The following ROPN1L variants were observed in gnomAD, a reference collection of about 807,000 sequenced individuals.
ROPN1L encodes the protein ropporin-1-like protein.
Under a neutral mutation model 22.7 loss-of-function variants are expected in ROPN1L, and 23 were observed. The observed-to-expected ratio is 1.01, with a 90% CI of 0.73 to 1.43. The LOEUF (loss-of-function observed/expected upper bound fraction) is 1.43. ROPN1L is among the 40% of genes most tolerant of loss of function. The pLI is 0.00. For synonymous variants in ROPN1L, 116 were observed against 117.8 expected (o/e 0.98, Z 0.10); for missense variants, 271 against 291.5 (o/e 0.93, Z 0.51).
At chr5:10,444,632 G>A (rs1740996196) in intron 1 of ROPN1L, among the ~76,000 whole-genome samples, 1 of 151,032 alleles carries the variant, frequency 6.6e-6, no homozygotes, top group South Asian at 2.1e-4. Flanking sequence ...GGGCATGGTG[G>A]CTCACACCTG....
intron 3 of ROPN1L, among the ~76,000 whole-genome samples, chr5:10,452,043 A>G (rs942231200): frequency 2.6e-5 from 4 of 151,674 alleles, no homozygotes; most frequent in African/African-American, 7.3e-5. Flanking sequence ...TTGGAGTGCA[A>G]TGGTGTGATC....
chr5:10,450,998 A>C (rs577704144), intron 3 of ROPN1L, among the ~76,000 whole-genome samples: 3 of 152,352 alleles, frequency 2.0e-5, no homozygotes, highest in Non-Finnish European at 4.4e-5. Flanking sequence ...CAGTCTTCTC[A>C]GCTAAAGTCT....
chr5:10,482,791 GA>G, the ROPN1L span, among the ~76,000 whole-genome samples: 11 of 152,236 alleles, frequency 7.2e-5, no homozygotes, highest in African/African-American at 2.7e-4. Context: ...GAAGAATCAT[GA>G]GATAAAATAA....
At chr5:10,469,015 C>T (rs1256681455), downstream of ROPN1L, among the ~76,000 whole-genome samples, 1 of 151,914 alleles carries the variant, frequency 6.6e-6, no homozygotes, top group Non-Finnish European at 1.5e-5. Flanking sequence ...ATTAGCCGGG[C>T]GTGGTGGCAG....
intron 3 of ROPN1L, 124 bp from the exon 4 acceptor site, chr5:10,461,060 G>T: frequency 2.5e-6 from 2 of 803,978 alleles, no homozygotes; most frequent in East Asian, 5.4e-5. Context: ...TTCAGATGGA[G>T]CACATACTTT....
intron 4 of ROPN1L, among the ~76,000 whole-genome samples, chr5:10,461,772 T>C (rs143423146): frequency 1.5e-3 from 229 of 152,314 alleles, no homozygotes; most frequent in African/African-American, 5.3e-3. Flanking sequence ...GCTAGAATGG[T>C]TCACAGAACT....
Position 10,464,862 on chromosome 5 carries a change from A to C in ROPN1L, c.608A>C (p.Asn203Thr). 6.3e-7 allele frequency: 1 copy of C among 1,597,790 alleles called. No individual in the cohort carries two copies. Among genetic ancestry groups the C allele is most frequent in the South Asian group, 1.2e-5 (1 of 86,910 alleles). The change falls in exon 5 of 5, where the codon AAC becomes ACC. Residue 203 changes from asparagine (N) to threonine (T), a missense_variant. By Grantham distance (65) the Asn-to-Thr change is moderately conservative. Coordinates refer to ENST00000274134, the MANE Select transcript of ROPN1L (RefSeq NM_031916.5). ...TTCCAATTTAGAGACGCCAGGAAGA[A>C]CGGCATGATAGGTCTTTCAGATTTC... Reference protein sequence around the residue: ...SLKENIDARKNGMIGLSDFFF... With the variant: ...SLKENIDARKTGMIGLSDFFF...
At chr5:10,472,172 T>C (rs2126483650), downstream of ROPN1L, 1 of 152,378 alleles carries the variant, frequency 6.6e-6, no homozygotes, top group Non-Finnish European at 1.5e-5. Context: ...AACTTTTTTC[T>C]ACCATTTGAT....
chr5:10,462,890 AAATAATAACAACAATAATAAT>A (rs1329215280), intron 4 of ROPN1L, among the ~76,000 whole-genome samples: 229 of 72,616 alleles, frequency 3.2e-3, no homozygotes, highest in African/African-American at 0.01. Flanking sequence ...ACTCCGTCTC[AAATAATAACAACAATAATAAT>A]AATAATAATA....
intron 4 of ROPN1L, among the ~76,000 whole-genome samples, chr5:10,462,818 G>C (rs184181872): frequency 1.5e-3 from 231 of 152,254 alleles, no homozygotes; most frequent in African/African-American, 5.3e-3. Context: ...GCCCTGGGGG[G>C]GCAGAGGTTA....
chr5:10,474,928 T>TAA (rs34832128), downstream of ROPN1L, among the ~76,000 whole-genome samples: 6 of 152,102 alleles, frequency 3.9e-5, no homozygotes, highest in Admixed American at 2.6e-4. Flanking sequence ...ATCACACAGT[T>TAA]AAAAAAACAA....
At chr5:10,455,806 C>CTTTTAAAAACCAGTGCTG (rs1561172842) in intron 3 of ROPN1L, among the ~76,000 whole-genome samples, 1 of 32,272 alleles carries the variant, frequency 3.1e-5, no homozygotes, top group South Asian at 7.9e-4. Flanking sequence ...AACCAGTGCT[C>CTTTTAAAAACCAGTGCTG]GGTCAGAGGC....
chr5:10,447,546 CA>C (rs752039729), intron 1 of ROPN1L, among the ~76,000 whole-genome samples: 6 of 152,176 alleles, frequency 3.9e-5, no homozygotes, highest in African/African-American at 7.2e-5. Flanking sequence ...TAAAGTCAAG[CA>C]CCTCAAAAAG....
chr5:10,464,443 T>G (rs1735113002), intron 4 of ROPN1L, among the ~76,000 whole-genome samples: 1 of 152,168 alleles, frequency 6.6e-6, no homozygotes, highest in African/African-American at 2.4e-5. Flanking sequence ...CCTCTTCTCT[T>G]CTTTTGTGCT....
At position 10,450,029 on chromosome 5, in the gene ROPN1L, C is replaced by T. The variant is rs376675013; in HGVS notation, c.333C>T (p.Phe111=). ...ACTTGTGCCTGCCGAAGGAAAAATTCAAAGCGCTCTTACAACTGGATCCTT... is the reference window on the plus strand; with the variant it reads ...ACTTGTGCCTGCCGAAGGAAAAATTTAAAGCGCTCTTACAACTGGATCCTT... The part of the protein sequence containing the change: ...WKNLCLPKEK[F]KALLQLDPCE... Residue 111 remains phenylalanine, a synonymous_variant, in exon 3 of 5, where the codon TTC becomes TTT. Transcript: ENST00000274134. The T allele has an allele frequency of 1.4e-4, 231 of 1,613,788 alleles. No homozygotes were observed. The highest frequency in any genetic ancestry group is 1.8e-4 in the Non-Finnish European group (217 of 1,179,904).
intron 1 of ROPN1L, among the ~76,000 whole-genome samples, chr5:10,447,461 C>T (rs1438929983): frequency 6.6e-6 from 1 of 152,180 alleles, no homozygotes; most frequent in Non-Finnish European, 1.5e-5. Context: ...CAGGCCAGCA[C>T]CTGCCATTCC....
At chr5:10,477,937 A>G in the ROPN1L span, 1 of 152,102 alleles carries the variant, frequency 6.6e-6, no homozygotes, top group Non-Finnish European at 1.5e-5. Flanking sequence ...CTAAAAAAAG[A>G]AAAAAAACTA....
At chr5:10,469,175 T>C (rs1735207065), downstream of ROPN1L, among the ~76,000 whole-genome samples, 2 of 149,998 alleles carry the variant, frequency 1.3e-5, no homozygotes, top group African/African-American at 4.9e-5. Context: ...TTAAATAAAC[T>C]CTGAAGATGA....
chr5:10,450,212 C>G, intron 3 of ROPN1L, 99 bp downstream of exon 3: 1 of 980,716 alleles, frequency 1.0e-6, no homozygotes, highest in South Asian at 1.9e-5. Flanking sequence ...ACTTTAGTAA[C>G]TTTGTCTTAG....
Sources: gnomAD v4.1 joint callset for allele counts (sites outside exome capture counted in the v4.1 genomes callset) on GRCh38, gnomAD v4.1.1 for gene constraint, MANE v1.5 for transcripts, NCBI Gene and HGNC (gene_info 2026-07-23, HGNC 2026-07-21) for gene names.